TBC1D32: variants seen among roughly 807,000 people sequenced by gnomAD.
TBC1D32 encodes the protein protein broad-minded.
TBC1D32 carries 151 observed loss-of-function variants against 170.3 expected under a neutral mutation model. The observed-to-expected ratio is 0.89, with a 90% CI of 0.78 to 1.01. TBC1D32 has a LOEUF of 1.01. Ranked by LOEUF, TBC1D32 falls within the 50% of genes least tolerant of loss-of-function variation. TBC1D32 has a pLI of 0.00. For missense variants in TBC1D32, 1,464 were observed against 1,457.1 expected (o/e 1.00, Z -0.08); for synonymous variants, 498 against 488.0 (o/e 1.02, Z -0.27).
intron 11 of TBC1D32, among the ~76,000 whole-genome samples, chr6:121,293,219 A>G (rs1805132154): frequency 6.6e-6 from 1 of 152,136 alleles, no homozygotes; most frequent in Non-Finnish European, 1.5e-5. Context: ...GAAAGTAATG[A>G]GGGGAAAGGA....
At chr6:121,131,528 T>A (rs1781436602) in intron 25 of TBC1D32, 99 bp downstream of exon 25, 1 of 1,268,090 alleles carries the variant, frequency 7.9e-7, no homozygotes, top group African/African-American at 1.5e-5. Context: ...TTTAGCATTA[T>A]GTTTTCTACA....
chr6:121,190,411 T>TC (rs1789839639), intron 22 of TBC1D32, among the ~76,000 whole-genome samples: 1 of 118,316 alleles, frequency 8.5e-6, no homozygotes, highest in East Asian at 2.8e-4. Flanking sequence ...CCCACACACA[T>TC]CCACTCTCTC....
At chr6:121,309,798 C>T (rs990273140) in intron 4 of TBC1D32, among the ~76,000 whole-genome samples, 4 of 152,044 alleles carry the variant, frequency 2.6e-5, no homozygotes, top group African/African-American at 9.7e-5. Context: ...CTTTGGGAGG[C>T]CAAGGGAGGT....
chr6:121,205,106 TG>T lies in TBC1D32; in HGVS notation c.2538del (p.Phe846LeufsTer11). ...LNSEAKIRSL[F>X]NYEQSHIFGL... is the part of the protein sequence containing the mutation. The stretch of plus-strand genomic sequence containing the variant: ...CCAAAGATATGTGATTGTTCATAGT[TG>T]AATAAAGAACGAATCTTAGCTTCAG... On this transcript the variant is annotated frameshift_variant, in exon 22 of 32. Transcript: ENST00000398212. LOFTEE classifies it high-confidence loss of function. 1.3e-6 allele frequency: 2 copies of T among 1,532,668 alleles called. No individual in the cohort carries two copies. The highest frequency in any genetic ancestry group is 2.4e-5 in the South Asian group (2 of 81,866). The allele number at this position is 1,532,668 out of a possible 1,614,324, so 94.9% of individuals were successfully genotyped here. A position where few individuals can be genotyped will look rare whatever the true frequency, so the allele number is the denominator to read the frequency against.
chr6:121,235,034 G>A (rs1220164347), intron 20 of TBC1D32, among the ~76,000 whole-genome samples: 3 of 152,174 alleles, frequency 2.0e-5, no homozygotes, highest in African/African-American at 2.4e-5. Flanking sequence ...AGTAGGGAGT[G>A]CCTGCAAAGG....
intron 25 of TBC1D32, chr6:121,130,047 C>T (rs1781265269): frequency 5.8e-6 from 2 of 347,006 alleles, no homozygotes; most frequent in Non-Finnish European, 1.1e-5. Context: ...AAAGAAGACT[C>T]TTATATAAGA....
Position 121,239,102 on chromosome 6 carries a change from G to C in TBC1D32, c.2332C>G (p.Pro778Ala), listed in dbSNP as rs201419425. 1.9e-6 allele frequency: 3 copies of C among 1,600,800 alleles called. No homozygotes were observed. Among genetic ancestry groups the C allele is most frequent in the Non-Finnish European group, 2.6e-6 (3 of 1,170,736 alleles). ...CAGCTTCGGTCAATAGGATCCACTG[G>C]AGTAGTTCTGGGATGGGTTACCCTA... is the stretch of plus-strand genomic sequence containing the variant. ...DVRVTHPRTT[P>A]VDPIDRSCQK... is the part of the protein sequence containing the mutation. The change falls in exon 20 of 32, where the codon CCA becomes GCA. Residue 778 changes from proline to alanine, a missense_variant. Pro to Ala is a conservative substitution (Grantham distance 27, BLOSUM62 -1). Coordinates refer to ENST00000398212, the MANE Select transcript of TBC1D32 (RefSeq NM_152730.6).
intron 24 of TBC1D32, among the ~76,000 whole-genome samples, chr6:121,150,140 G>C (rs558776193): frequency 6.6e-6 from 1 of 152,260 alleles, no homozygotes; most frequent in East Asian, 1.9e-4. Context: ...TATGACATTG[G>C]CTGTGGGTTT....
At chr6:121,169,850 C>A (rs1456295923) in intron 22 of TBC1D32, among the ~76,000 whole-genome samples, 1 of 151,964 alleles carries the variant, frequency 6.6e-6, no homozygotes, top group Non-Finnish European at 1.5e-5. Context: ...AACAGTCAGC[C>A]AAATTGAGGT....
chr6:121,260,388 G>A (rs1354908005), intron 15 of TBC1D32, among the ~76,000 whole-genome samples: 6 of 152,124 alleles, frequency 3.9e-5, no homozygotes, highest in Non-Finnish European at 8.8e-5. Context: ...TAGAAGCAGC[G>A]GCCATCAGAG....
chr6:121,100,175 C>A (rs1395303707), intron 30 of TBC1D32, among the ~76,000 whole-genome samples: 1 of 151,910 alleles, frequency 6.6e-6, no homozygotes, highest in Non-Finnish European at 1.5e-5. Flanking sequence ...CTGAAGAGTG[C>A]TTTACTTCCA....
At chr6:121,154,583 T>C (rs1343346800) in intron 24 of TBC1D32, among the ~76,000 whole-genome samples, 3 of 152,198 alleles carry the variant, frequency 2.0e-5, no homozygotes, top group African/African-American at 7.2e-5. Context: ...GATCTCAAAC[T>C]ATAAAATTCC....
intron 21 of TBC1D32, among the ~76,000 whole-genome samples, chr6:121,215,346 G>A (rs1345302018): frequency 6.6e-6 from 1 of 152,220 alleles, no homozygotes; most frequent in Non-Finnish European, 1.5e-5. Flanking sequence ...GCTGTGCCTG[G>A]GAGGGTGGGA....
At chr6:121,136,757 A>G (rs1221883805) in intron 24 of TBC1D32, among the ~76,000 whole-genome samples, 1 of 152,194 alleles carries the variant, frequency 6.6e-6, no homozygotes, top group Non-Finnish European at 1.5e-5. Flanking sequence ...CTAAAAATTC[A>G]AACTCCTTTC....
Position 121,126,377 on chromosome 6 carries a change from C to T in TBC1D32, c.2983+1G>A. The T allele has an allele frequency of 6.2e-7, 1 of 1,606,448 alleles. No individual in the cohort carries two copies. Among genetic ancestry groups the T allele is most frequent in the Non-Finnish European group, 8.5e-7 (1 of 1,175,788 alleles). ...CAAACTTCACAATGTTTAAAATGTACCTGTATACTCCACTGAAGGGAAGTA... is the reference window on the plus strand; with the variant it reads ...CAAACTTCACAATGTTTAAAATGTATCTGTATACTCCACTGAAGGGAAGTA... On this transcript the variant is annotated splice_donor_variant, in intron 26 of 31. Coordinates refer to ENST00000398212, the MANE Select transcript of TBC1D32 (RefSeq NM_152730.6). LOFTEE classifies it high-confidence loss of function.
chr6:121,131,845 T>C (rs1019046238), intron 24 of TBC1D32, 93 bp from the exon 25 acceptor site: 8 of 954,570 alleles, frequency 8.4e-6, no homozygotes, highest in Middle Eastern at 6.3e-4. Context: ...GAAAATTCCA[T>C]ATGGAATACA....
At chr6:121,174,151 T>C (rs1050850683) in intron 22 of TBC1D32, among the ~76,000 whole-genome samples, 7 of 149,094 alleles carry the variant, frequency 4.7e-5, no homozygotes, top group Admixed American at 4.6e-4. Flanking sequence ...AATAAAACTG[T>C]CATAGAAATG....
chr6:121,098,014 G>A (rs751328791), intron 30 of TBC1D32, among the ~76,000 whole-genome samples: 1 of 151,776 alleles, frequency 6.6e-6, no homozygotes. Flanking sequence ...ATGGACACAG[G>A]GGAGGGGAAC....
intron 17 of TBC1D32, among the ~76,000 whole-genome samples, chr6:121,253,069 T>C (rs9375017): frequency 0.88 from 134,473 of 152,130 alleles, 59,879 homozygotes; most frequent in East Asian, 0.98. Flanking sequence ...GACTAAGACC[T>C]CAAAAGCAAT....
Sources: allele counts gnomAD v4.1 joint callset (sites outside exome capture counted in the v4.1 genomes callset), GRCh38; gene constraint gnomAD v4.1.1; transcripts MANE v1.5; gene names NCBI Gene and HGNC (gene_info 2026-07-23, HGNC 2026-07-21).